The following SYNE2 variants were observed in gnomAD, a reference collection of about 807,000 sequenced individuals.
The protein encoded by SYNE2 is spectrin repeat containing nuclear envelope protein 2.
In SYNE2, 431 loss-of-function variants were observed where a neutral mutation model predicts 856.3. The observed-to-expected ratio is 0.50, with a 90% CI of 0.47 to 0.55. SYNE2 has a LOEUF of 0.55. Among genes scored for constraint, SYNE2 ranks in the 20% least tolerant of loss-of-function variants. SYNE2 has a pLI of 0.00. For missense variants in SYNE2, 8,129 were observed against 8,023.2 expected (o/e 1.01, Z -0.50); for synonymous variants, 2,923 against 2,872.3 (o/e 1.02, Z -0.56).
At chr14:63,811,991 A>G (rs1400229366) in intron 1 of SYNE2, among the ~76,000 whole-genome samples, 1 of 152,190 alleles carries the variant, frequency 6.6e-6, no homozygotes, top group Non-Finnish European at 1.5e-5. Context: ...GTTCAGCTAT[A>G]CACGTGTTGT....
chr14:64,188,752 A>C, intron 98 of SYNE2, 44 bp downstream of exon 98: 1 of 1,607,296 alleles, frequency 6.2e-7, no homozygotes, highest in South Asian at 1.1e-5. Flanking sequence ...ACTACCATGG[A>C]ATTGTCGGCC....
chr14:64,202,846 C>T lies in SYNE2; in HGVS notation c.18084C>T (p.Asp6028=). 6.2e-7 allele frequency: 1 copy of T among 1,614,080 alleles called. No individual in the cohort carries two copies. Among genetic ancestry groups the T allele is most frequent in the South Asian group, 1.1e-5 (1 of 91,066 alleles). ...KETFAFIQQL[D]KNMSNLRTWL... is the part of the protein sequence containing the mutation. Reference sequence around the variant, plus strand: ...CCTTTGCTTTTATTCAGCAGTTGGACAAAAACATGAGCAACCTTCGCACCT... The same window carrying T: ...CCTTTGCTTTTATTCAGCAGTTGGATAAAAACATGAGCAACCTTCGCACCT... Residue 6028 remains aspartate (D), a synonymous_variant, in exon 100 of 116, where the codon GAC becomes GAT. Transcript: ENST00000555002.
intron 113 of SYNE2, 93 bp from the exon 114 acceptor site, chr14:64,224,368 A>C: frequency 8.7e-7 from 1 of 1,152,794 alleles, no homozygotes; most frequent in Non-Finnish European, 1.3e-6. Flanking sequence ...AAAACAAAAA[A>C]AGATTGATTT....
intron 110 of SYNE2, 138 bp from the exon 111 acceptor site, chr14:64,220,299 T>C: frequency 1.0e-6 from 1 of 972,190 alleles, no homozygotes; most frequent in Non-Finnish European, 1.6e-6. Context: ...TTCCAGCCAG[T>C]CCCAGGCGAG....
chr14:64,036,633 T>G, intron 45 of SYNE2, among the ~76,000 whole-genome samples: 1 of 152,176 alleles, frequency 6.6e-6, no homozygotes, highest in Admixed American at 6.5e-5. Flanking sequence ...CAACAACTGC[T>G]ACATTGACAG....
At chr14:64,150,353 G>A (rs1346085018) in intron 84 of SYNE2, among the ~76,000 whole-genome samples, 1 of 145,646 alleles carries the variant, frequency 6.9e-6, no homozygotes, top group Non-Finnish European at 1.5e-5. Context: ...TCAAGTAGCT[G>A]GGACTGTAGG....
chr14:63,981,286 G>A (rs1278022159), intron 16 of SYNE2, 113 bp downstream of exon 16: 1 of 961,446 alleles, frequency 1.0e-6, no homozygotes, highest in Non-Finnish European at 1.6e-6. Context: ...CAGTGTTTTG[G>A]AAAATTCTTC....
chr14:63,825,768 G>A (rs772985828), intron 1 of SYNE2, among the ~76,000 whole-genome samples: 4 of 151,986 alleles, frequency 2.6e-5, no homozygotes, highest in South Asian at 4.2e-4. Context: ...CCAGCTACTC[G>A]GGAGCCTGAG....
intron 11 of SYNE2, among the ~76,000 whole-genome samples, chr14:63,975,890 G>T (rs1175552990): frequency 6.6e-6 from 1 of 152,212 alleles, no homozygotes; most frequent in Non-Finnish European, 1.5e-5. Context: ...GAATGAACGT[G>T]TGAGTGAGTT....
chr14:63,919,666 C>T (rs2095573554), intron 2 of SYNE2, among the ~76,000 whole-genome samples: 1 of 152,156 alleles, frequency 6.6e-6, no homozygotes. Flanking sequence ...GAAGGAAAAG[C>T]AGGTGAACGC....
chr14:63,973,566 A>C (rs994740694), intron 11 of SYNE2, among the ~76,000 whole-genome samples: 1 of 133,800 alleles, frequency 7.5e-6, no homozygotes, highest in Admixed American at 8.8e-5. Context: ...TGGGAGGTGG[A>C]GGTTGCAGTG....
In SYNE2 at chr14:64,002,766, TAGA is replaced by T. The variant is rs2096765336; in HGVS notation, c.3837_3839del (p.Glu1280del). ...AAACAGATTGAAATATGTAACCGCT[TAGA>T]AGAGCCAGGCAACTTTGTATTAAAG... is the stretch of plus-strand genomic sequence containing the variant. On this transcript the variant is annotated inframe_deletion, in exon 30 of 116. Transcript: ENST00000555002. 1.9e-6 allele frequency: 3 copies of T among 1,613,874 alleles called. No individual in the cohort carries two copies. The East Asian group carries it at 6.7e-5, about 36-fold the overall frequency.
chr14:64,091,676 T>C (rs1420827708), intron 60 of SYNE2, among the ~76,000 whole-genome samples: 1 of 152,146 alleles, frequency 6.6e-6, no homozygotes, highest in Non-Finnish European at 1.5e-5. Context: ...TTGGGTTTTG[T>C]TAAATCACTA....
At chr14:63,784,959 G>A (rs1185945351) in intron 1 of SYNE2, among the ~76,000 whole-genome samples, 1 of 151,414 alleles carries the variant, frequency 6.6e-6, no homozygotes, top group Non-Finnish European at 1.5e-5. Context: ...TTTTTGGGGG[G>A]GTGAGGGGTG....
At chr14:64,173,907 T>C (rs776007735) in intron 94 of SYNE2, 16 of 683,368 alleles carry the variant, frequency 2.3e-5, no homozygotes, top group Non-Finnish European at 3.9e-5. Flanking sequence ...AGAACGCCCA[T>C]GTAGCCAGGT....
intron 21 of SYNE2, 85 bp downstream of exon 21, chr14:63,991,200 A>T: frequency 1.5e-6 from 2 of 1,308,120 alleles, no homozygotes; most frequent in Non-Finnish European, 2.2e-6. Context: ...CTTCACTGTA[A>T]TTATATACTG....
At chr14:64,130,494 G>C (rs2098005184) in intron 76 of SYNE2, among the ~76,000 whole-genome samples, 1 of 152,044 alleles carries the variant, frequency 6.6e-6, no homozygotes, top group African/African-American at 2.4e-5. Context: ...TGAGAAGATA[G>C]ATATTTATCA....
At chr14:64,050,296 C>G (rs2097215842) in intron 47 of SYNE2, among the ~76,000 whole-genome samples, 1 of 152,148 alleles carries the variant, frequency 6.6e-6, no homozygotes, top group African/African-American at 2.4e-5. Flanking sequence ...AATCACTCCT[C>G]AAAGTTCCTA....
At chr14:63,837,230 T>G (rs559054868) in intron 1 of SYNE2, among the ~76,000 whole-genome samples, 3 of 152,154 alleles carry the variant, frequency 2.0e-5, no homozygotes, top group African/African-American at 7.2e-5. Flanking sequence ...GTTGGGACAA[T>G]TGAATATTCA....
Sources: gnomAD v4.1 joint callset for allele counts (sites outside exome capture counted in the v4.1 genomes callset) on GRCh38, gnomAD v4.1.1 for gene constraint, MANE v1.5 for transcripts, NCBI Gene and HGNC (gene_info 2026-07-23, HGNC 2026-07-21) for gene names.